CSDC2: variants seen among roughly 807,000 people sequenced by gnomAD.
CSDC2 encodes cold shock domain-containing protein C2.
In CSDC2, 8 loss-of-function variants were observed where a neutral mutation model predicts 15.8. The observed-to-expected ratio is 0.51, with a 90% CI of 0.30 to 0.92. The LOEUF is 0.92. Among genes scored for constraint, CSDC2 ranks in the 40% least tolerant of loss-of-function variants. The pLI is 0.07. For missense variants in CSDC2, 195 were observed against 213.3 expected, an observed-to-expected ratio of 0.91 and a Z score of 0.53; for synonymous variants, 96 against 92.3, an observed-to-expected ratio of 1.04 and a Z score of -0.23.
chr22:41,562,233 G>C (rs1313018613), intron 1 of CSDC2, among the ~76,000 whole-genome samples: 1 of 151,960 alleles, frequency 6.6e-6, no homozygotes, highest in African/African-American at 2.4e-5. Context: ...AGCTTTCTGG[G>C]GGATGGGGAA....
intron 1 of CSDC2, among the ~76,000 whole-genome samples, chr22:41,566,288 C>G (rs6002402): frequency 0.17 from 25,800 of 151,030 alleles, 3,178 homozygotes; most frequent in Admixed American, 0.36. Context: ...TACTAAAATA[C>G]AAAAAATTAG....
chr22:41,565,156 ACT>A (rs1032030804), intron 1 of CSDC2, among the ~76,000 whole-genome samples: 1 of 148,762 alleles, frequency 6.7e-6, no homozygotes, highest in East Asian at 2.0e-4. Flanking sequence ...ACAGAGTGAG[ACT>A]CAAAAAAAAA....
Position 41,575,285 on chromosome 22 carries a change from C to T in CSDC2, c.*390C>T. 1 of 227,366 alleles carries T rather than the reference C, an allele frequency of 4.4e-6. No individual in the cohort carries two copies. The highest frequency in any genetic ancestry group is 8.0e-5 in the South Asian group (1 of 12,442). 14.1% of individuals were successfully genotyped at this position (227,366 alleles called of 1,614,324 possible). A position where few individuals can be genotyped will look rare whatever the true frequency, so the allele number is the denominator to read the frequency against. On this transcript the variant is annotated 3_prime_UTR_variant, in exon 4 of 4. Coordinates refer to ENST00000306149, the MANE Select transcript of CSDC2 (RefSeq NM_014460.4). ...CCTCCGCCCCTGAGCTGTCCCGTGT[C>T]AGTCCCTGGCCCGGAGCCAGGCTCT...
chr22:41,575,001 T>A lies in CSDC2; in HGVS notation c.*106T>A. 1.5e-6 allele frequency: 2 copies of A among 1,296,196 alleles called. No homozygotes were observed. Among genetic ancestry groups the A allele is most frequent in the Non-Finnish European group, 2.1e-6 (2 of 948,174 alleles). 80.3% of individuals were successfully genotyped at this position (1,296,196 alleles called of 1,614,324 possible). On this transcript the variant is annotated 3_prime_UTR_variant, in exon 4 of 4. Transcript: ENST00000306149. ...CTGCCCTGGCTGATGAGTCCTTCGGTGGCCTCAGTGTGCACGTCTGTCTGT... is the reference window on the plus strand; with the variant it reads ...CTGCCCTGGCTGATGAGTCCTTCGGAGGCCTCAGTGTGCACGTCTGTCTGT...
intron 1 of CSDC2, among the ~76,000 whole-genome samples, chr22:41,563,051 C>T (rs1225570503): frequency 6.6e-6 from 1 of 152,182 alleles, no homozygotes; most frequent in Non-Finnish European, 1.5e-5. Flanking sequence ...ACCCAAGCCA[C>T]AGAAGCCCAA....
At chr22:41,563,915 CAA>C (rs1293335770) in intron 1 of CSDC2, among the ~76,000 whole-genome samples, 12 of 124,786 alleles carry the variant, frequency 9.6e-5, no homozygotes, top group Admixed American at 3.2e-4. Context: ...ACTAAAAATA[CAA>C]AAAAAAAAAA....
At chr22:41,564,905 C>A (rs2067106028) in intron 1 of CSDC2, among the ~76,000 whole-genome samples, 1 of 152,134 alleles carries the variant, frequency 6.6e-6, no homozygotes, top group Admixed American at 6.6e-5. Flanking sequence ...CGGTGGCTCA[C>A]ACTTGTAATC....
intron 1 of CSDC2, 58 bp from the exon 2 acceptor site, chr22:41,571,785 G>T: frequency 2.5e-6 from 1 of 405,914 alleles, no homozygotes. Flanking sequence ...CTGTGGCCAG[G>T]GTTCAGGAGC....
intron 1 of CSDC2, among the ~76,000 whole-genome samples, chr22:41,564,542 G>C (rs532893819): frequency 1.3e-5 from 2 of 152,274 alleles, no homozygotes; most frequent in South Asian, 2.1e-4. Flanking sequence ...TTACAGGTGT[G>C]AGCCACCACT....
intron 1 of CSDC2, among the ~76,000 whole-genome samples, chr22:41,569,240 C>T (rs2067132427): frequency 6.6e-6 from 1 of 152,274 alleles, no homozygotes; most frequent in Admixed American, 6.5e-5. Context: ...GGTAACTTTG[C>T]TGCCCCGTCT....
At chr22:41,573,461 G>T (rs1360770909) in intron 2 of CSDC2, among the ~76,000 whole-genome samples, 194 bp from the exon 3 acceptor site, 1 of 152,052 alleles carries the variant, frequency 6.6e-6, no homozygotes, top group Non-Finnish European at 1.5e-5. Context: ...GCCTCCCAAA[G>T]TGCTGGGATT....
chr22:41,563,605 G>A (rs564438669), intron 1 of CSDC2, among the ~76,000 whole-genome samples: 51 of 152,206 alleles, frequency 3.4e-4, no homozygotes, highest in African/African-American at 1.1e-3. Flanking sequence ...TGGCTCCCCA[G>A]GAATTCCACA....
intron 1 of CSDC2, among the ~76,000 whole-genome samples, chr22:41,566,220 C>T (rs112536645): frequency 0.014 from 2,074 of 148,964 alleles, 49 homozygotes; most frequent in African/African-American, 0.049. Flanking sequence ...CTGAGGTGGG[C>T]GGATCATGAG....
intron 1 of CSDC2, among the ~76,000 whole-genome samples, chr22:41,566,820 G>C (rs921203025): frequency 6.6e-6 from 1 of 150,988 alleles, no homozygotes; most frequent in African/African-American, 2.4e-5. Context: ...CCAGCTACTC[G>C]GGAGGCTGAG....
intron 1 of CSDC2, among the ~76,000 whole-genome samples, chr22:41,568,309 T>G (rs2067127317): frequency 6.6e-6 from 1 of 150,944 alleles, no homozygotes; most frequent in Non-Finnish European, 1.5e-5. Flanking sequence ...TTTAAGACAG[T>G]GTCTAACTTT....
At chr22:41,573,092 C>A (rs2067156519) in intron 2 of CSDC2, among the ~76,000 whole-genome samples, 2 of 152,226 alleles carry the variant, frequency 1.3e-5, no homozygotes, top group South Asian at 4.1e-4. Context: ...TGCCTGTAAT[C>A]CCAGCACTTT....
chr22:41,565,494 ACT>A (rs1025509175), intron 1 of CSDC2, among the ~76,000 whole-genome samples: 45 of 150,144 alleles, frequency 3.0e-4, no homozygotes, highest in Non-Finnish European at 5.8e-4. Flanking sequence ...AGGCACAGTG[ACT>A]CACACTGTAA....
At chr22:41,574,167 T>C (rs1335166583) in intron 3 of CSDC2, among the ~76,000 whole-genome samples, 1 of 152,248 alleles carries the variant, frequency 6.6e-6, no homozygotes, top group Non-Finnish European at 1.5e-5. Context: ...GGGAGGTCAC[T>C]GAGCTTCTCA....
At chr22:41,568,749 T>A (rs1488566808) in intron 1 of CSDC2, among the ~76,000 whole-genome samples, 2 of 152,234 alleles carry the variant, frequency 1.3e-5, no homozygotes, top group Admixed American at 6.5e-5. Flanking sequence ...TGGTCCTGTC[T>A]TTGCTGTGGC....
Sources: gnomAD v4.1 joint callset for allele counts (sites outside exome capture counted in the v4.1 genomes callset) on GRCh38, gnomAD v4.1.1 for gene constraint, MANE v1.5 for transcripts, NCBI Gene and HGNC (gene_info 2026-07-23, HGNC 2026-07-21) for gene names.